Variants in SDK1 observed in about 807,000 individuals in gnomAD.
SDK1 encodes the protein protein sidekick-1.
SDK1 carries 157 observed loss-of-function variants against 245.5 expected under a neutral mutation model. The observed-to-expected ratio is 0.64, with a 90% confidence interval of 0.56 to 0.73. The LOEUF is 0.73. SDK1 is among the 30% of genes least tolerant of loss of function. SDK1 has a pLI of 0.00. For synonymous variants in SDK1, 1,647 were observed against 1,278.5 expected, an observed-to-expected ratio of 1.29 and a Z score of -6.15; for missense variants, 3,583 against 3,002.3, an observed-to-expected ratio of 1.19 and a Z score of -4.52.
chr7:3,602,149 T>C (rs1781274069), intron 1 of SDK1, among the ~76,000 whole-genome samples: 2 of 151,990 alleles, frequency 1.3e-5, no homozygotes, highest in South Asian at 4.2e-4. Context: ...CGTGTGCATG[T>C]GTCTTTATAG....
chr7:3,314,933 T>G (rs1779630513), intron 1 of SDK1, among the ~76,000 whole-genome samples: 1 of 152,006 alleles, frequency 6.6e-6, no homozygotes, highest in African/African-American at 2.4e-5. Flanking sequence ...ATTTGGCCTG[T>G]GAATTGTCCC....
At chr7:4,218,660 G>T (rs749610553) in intron 38 of SDK1, among the ~76,000 whole-genome samples, 2 of 152,176 alleles carry the variant, frequency 1.3e-5, no homozygotes, top group Non-Finnish European at 2.9e-5. Flanking sequence ...CACCAAGGCA[G>T]CCATTTCTTA....
intron 5 of SDK1, among the ~76,000 whole-genome samples, chr7:3,913,939 G>A (rs1036030174): frequency 2.0e-5 from 3 of 152,074 alleles, no homozygotes; most frequent in Admixed American, 1.3e-4. Flanking sequence ...TGATACTAGC[G>A]CCAGGGCCCA....
chr7:3,367,395 C>CT (rs1165232550), intron 1 of SDK1, among the ~76,000 whole-genome samples: 2 of 152,058 alleles, frequency 1.3e-5, no homozygotes, highest in Non-Finnish European at 2.9e-5. Flanking sequence ...TAGCTGCTCA[C>CT]TTTTTTTGAC....
At position 4,132,435 on chromosome 7, in the gene SDK1, G is replaced by A. The variant is rs746330031; in HGVS notation, c.4228+12G>A. 1 of 1,590,906 alleles carries A rather than the reference G, an allele frequency of 6.3e-7. No individual in the cohort carries two copies. Among genetic ancestry groups the A allele is most frequent in the Non-Finnish European group, 8.6e-7 (1 of 1,164,806 alleles). On this transcript the variant is annotated intron_variant, in intron 28 of 44. Coordinates refer to ENST00000404826, the MANE Select transcript of SDK1 (RefSeq NM_152744.4). ...CGGCATCATCCTGGGTAAGGGAGCG[G>A]CGGTGGCCGGGCGTGGTGGCTCAGG...
chr7:3,687,768 G>T (rs1784332707), intron 4 of SDK1, among the ~76,000 whole-genome samples: 1 of 152,172 alleles, frequency 6.6e-6, no homozygotes, highest in South Asian at 2.1e-4. Context: ...AGTAACACAA[G>T]AGGTCCTTGC....
At chr7:4,214,032 C>G (rs1222655121) in intron 38 of SDK1, among the ~76,000 whole-genome samples, 1 of 152,200 alleles carries the variant, frequency 6.6e-6, no homozygotes, top group East Asian at 1.9e-4. Context: ...CTCAGAACGG[C>G]TCTACCTTGT....
chr7:3,438,260 C>T (rs1178526317), intron 1 of SDK1, among the ~76,000 whole-genome samples: 3 of 152,170 alleles, frequency 2.0e-5, no homozygotes, highest in African/African-American at 7.2e-5. Flanking sequence ...AATATGACTT[C>T]TGCATAAAAA....
chr7:4,166,971 C>G (rs1781537872), intron 32 of SDK1, among the ~76,000 whole-genome samples: 1 of 152,126 alleles, frequency 6.6e-6, no homozygotes, highest in South Asian at 2.1e-4. Context: ...TCCTCCTACC[C>G]CCAGGCCTTC....
At chr7:3,681,064 C>G (rs762001633) in intron 4 of SDK1, among the ~76,000 whole-genome samples, 1 of 152,164 alleles carries the variant, frequency 6.6e-6, no homozygotes, top group African/African-American at 2.4e-5. Flanking sequence ...AGGATGATCT[C>G]GATCTCCTGA....
chr7:3,558,018 TC>T (rs1458728407), intron 1 of SDK1, among the ~76,000 whole-genome samples: 8 of 145,984 alleles, frequency 5.5e-5, no homozygotes, highest in African/African-American at 2.0e-4. Context: ...CCGACCCTGT[TC>T]CTGTCTCATA....
chr7:3,851,471 G>C (rs55817732), intron 5 of SDK1, among the ~76,000 whole-genome samples: 90 of 152,206 alleles, frequency 5.9e-4, no homozygotes, highest in Non-Finnish European at 1.1e-3. Flanking sequence ...TGCATTGCGT[G>C]TTTATGTTCT....
intron 5 of SDK1, among the ~76,000 whole-genome samples, chr7:3,826,424 T>G (rs71527461): frequency 6.6e-6 from 1 of 152,188 alleles, no homozygotes; most frequent in Non-Finnish European, 1.5e-5. Flanking sequence ...TGACATCTGG[T>G]TACAGATAAT....
chr7:4,176,556 C>T (rs1162273695), intron 34 of SDK1, among the ~76,000 whole-genome samples: 1 of 152,146 alleles, frequency 6.6e-6, no homozygotes, highest in East Asian at 1.9e-4. Flanking sequence ...GCATTAAGCA[C>T]ATTCACACTG....
At chr7:3,477,958 T>A (rs1781397812) in intron 1 of SDK1, among the ~76,000 whole-genome samples, 1 of 152,222 alleles carries the variant, frequency 6.6e-6, no homozygotes, top group Non-Finnish European at 1.5e-5. Flanking sequence ...GTTAGAGATC[T>A]GCCTTTACTT....
chr7:4,099,148 A>C (rs573074170), intron 22 of SDK1, among the ~76,000 whole-genome samples: 1 of 152,140 alleles, frequency 6.6e-6, no homozygotes, highest in African/African-American at 2.4e-5. Flanking sequence ...ATGGGAGGGA[A>C]GACATTCCAG....
At chr7:3,374,683 C>G (rs970939011) in intron 1 of SDK1, among the ~76,000 whole-genome samples, 4 of 152,092 alleles carry the variant, frequency 2.6e-5, no homozygotes, top group Non-Finnish European at 5.9e-5. Context: ...CAATTTCTAA[C>G]CATGCTCTGC....
At chr7:4,147,683 C>T (rs759530726) in intron 29 of SDK1, among the ~76,000 whole-genome samples, 3 of 152,144 alleles carry the variant, frequency 2.0e-5, no homozygotes, top group Non-Finnish European at 2.9e-5. Flanking sequence ...CGAGGTGCTT[C>T]TGCAATGTAA....
Position 4,132,327 on chromosome 7 carries a change from C to T in SDK1, c.4132C>T (p.Pro1378Ser). The change falls in exon 28 of 45, where the codon CCA becomes TCA. Residue 1378 changes from proline (P) to serine (S), a missense_variant and splice_region_variant. Pro to Ser is a moderately conservative substitution (Grantham distance 74). Transcript: ENST00000404826. Reference protein sequence around the residue: ...LILERTKDDAPGPPVRLVFPE... With the variant: ...LILERTKDDASGPPVRLVFPE... ...ATCCCTGTGGTTTTTCCCTTCAGCC[C>T]CAGGCCCACCAGTGAGGCTCGTGTT... The T allele has an allele frequency of 6.2e-7, 1 of 1,609,956 alleles. No homozygotes were observed. The highest frequency in any genetic ancestry group is 8.5e-7 in the Non-Finnish European group (1 of 1,177,004).
Sources: gnomAD v4.1 joint callset for allele counts (sites outside exome capture counted in the v4.1 genomes callset) on GRCh38, gnomAD v4.1.1 for gene constraint, MANE v1.5 for transcripts, NCBI Gene and HGNC (gene_info 2026-07-23, HGNC 2026-07-21) for gene names.